UBE4B: variants seen among roughly 807,000 people sequenced by gnomAD.
UBE4B encodes ubiquitin conjugation factor E4 B.
A neutral mutation model predicts 148.1 loss-of-function variants in UBE4B; 27 were observed. That is an observed-to-expected ratio of 0.18 (90% confidence interval 0.13 to 0.25). The LOEUF is 0.25. Ranked by LOEUF, UBE4B falls within the 10% of genes least tolerant of loss-of-function variation. The pLI, the probability that UBE4B is intolerant of heterozygous loss-of-function variation, is 1.00. For missense variants in UBE4B, 1,170 were observed against 1,662.4 expected, an observed-to-expected ratio of 0.70 and a Z score of 5.15; for synonymous variants, 596 against 619.3, an observed-to-expected ratio of 0.96 and a Z score of 0.56.
At chr1:10,048,974 C>G (rs899211098) in intron 1 of UBE4B, among the ~76,000 whole-genome samples, 1 of 152,114 alleles carries the variant, frequency 6.6e-6, no homozygotes. Flanking sequence ...TCTCTCTTTC[C>G]CCAAGGGAGG....
At chr1:10,125,786 G>T (rs1256558307) in intron 10 of UBE4B, among the ~76,000 whole-genome samples, 1 of 152,194 alleles carries the variant, frequency 6.6e-6, no homozygotes, top group African/African-American at 2.4e-5. Flanking sequence ...AATCATAAAT[G>T]TATAAAAGCA....
intron 2 of UBE4B, among the ~76,000 whole-genome samples, chr1:10,073,662 A>G (rs896679059): frequency 6.6e-6 from 1 of 152,054 alleles, no homozygotes; most frequent in Non-Finnish European, 1.5e-5. Flanking sequence ...GGAGGTTGCA[A>G]TGAGCCAAGA....
chr1:10,175,514 G>A (rs951724690), intron 25 of UBE4B, among the ~76,000 whole-genome samples: 19 of 151,752 alleles, frequency 1.3e-4, no homozygotes, highest in African/African-American at 2.4e-4. Context: ...AGCCAGGCGT[G>A]GTGGCGGGCG....
intron 25 of UBE4B, among the ~76,000 whole-genome samples, chr1:10,172,417 CAG>C (rs1214183533): frequency 2.6e-5 from 4 of 152,310 alleles, no homozygotes; most frequent in Middle Eastern, 3.4e-3. Flanking sequence ...GAAAGAGGCA[CAG>C]AGAGGTTAAA....
chr1:10,137,338 C>A, intron 17 of UBE4B, 133 bp downstream of exon 17: 2 of 1,127,962 alleles, frequency 1.8e-6, no homozygotes, highest in Non-Finnish European at 2.5e-6. Context: ...TGTCTGCCTC[C>A]ACCGCCACAT....
chr1:10,177,695 A>C (rs1023968715), intron 25 of UBE4B, among the ~76,000 whole-genome samples: 5 of 151,832 alleles, frequency 3.3e-5, no homozygotes, highest in African/African-American at 4.8e-5. Context: ...ATATATGGCA[A>C]AAACACTGGC....
intron 9 of UBE4B, among the ~76,000 whole-genome samples, chr1:10,121,280 G>A (rs1390578218): frequency 1.3e-5 from 2 of 151,984 alleles, no homozygotes; most frequent in Admixed American, 6.6e-5. Flanking sequence ...ACTTGAACCC[G>A]GGAGGCGGAG....
chr1:10,153,216 T>G (rs1276440442), intron 21 of UBE4B, among the ~76,000 whole-genome samples: 1 of 151,330 alleles, frequency 6.6e-6, no homozygotes, highest in Non-Finnish European at 1.5e-5. Context: ...CTACAAAGAG[T>G]GCATGTGGGC....
chr1:10,076,638 C>G (rs1438572374), intron 2 of UBE4B, among the ~76,000 whole-genome samples: 2 of 151,778 alleles, frequency 1.3e-5, no homozygotes, highest in Admixed American at 6.6e-5. Context: ...TTTGGTGGCC[C>G]TCTTAGTTGG....
In UBE4B at chr1:10,106,503, C is replaced by G; in HGVS notation, c.1116C>G (p.Pro372=). 1 of 1,612,958 alleles carries G rather than the reference C, an allele frequency of 6.2e-7. No individual in the cohort carries two copies. The change falls in exon 7 of 28, where the codon CCC becomes CCG. Residue 372 remains proline (P), a synonymous_variant. Coordinates refer to ENST00000343090, the MANE Select transcript of UBE4B (RefSeq NM_001105562.3). The surrounding 1 kb of genome is among the most constrained non-coding windows in gnomAD (Gnocchi z 4.2). ...CCGCCAGCAGTTCCAGACAGAGGCCCAGCAGCACGGGTCCACCCCTACCAC... is the reference window on the plus strand; with the variant it reads ...CCGCCAGCAGTTCCAGACAGAGGCCGAGCAGCACGGGTCCACCCCTACCAC... ...AVPASSSRQR[P]SSTGPPLPPA...
chr1:10,130,978 A>C (rs1489823928), intron 14 of UBE4B, among the ~76,000 whole-genome samples, 165 bp downstream of exon 14: 10 of 152,246 alleles, frequency 6.6e-5, no homozygotes, highest in Non-Finnish European at 1.5e-4. Context: ...TGTGTCTTGA[A>C]TAACAGGTTG....
intron 1 of UBE4B, among the ~76,000 whole-genome samples, chr1:10,068,277 A>G (rs1453463717): frequency 1.3e-5 from 2 of 151,196 alleles, no homozygotes; most frequent in African/African-American, 4.9e-5. Flanking sequence ...GATCCCACCT[A>G]CCTTGGCCTC....
chr1:10,091,745 ACAGGCTCCCGCCTCTGCGC>A (rs1269377605), intron 2 of UBE4B, among the ~76,000 whole-genome samples: 1 of 152,116 alleles, frequency 6.6e-6, no homozygotes, highest in Non-Finnish European at 1.5e-5. Context: ...AGCTGGGATT[ACAGGCTCCCGCCTCTGCGC>A]CAGGCTAATT....
intron 2 of UBE4B, among the ~76,000 whole-genome samples, chr1:10,074,572 C>T (rs2101836523): frequency 6.6e-6 from 1 of 152,298 alleles, no homozygotes; most frequent in South Asian, 2.1e-4. Flanking sequence ...CGTGGTTGCT[C>T]TGTGGTTGCT....
chr1:10,153,873 G>A (rs1646021816), intron 21 of UBE4B, among the ~76,000 whole-genome samples: 2 of 151,878 alleles, frequency 1.3e-5, no homozygotes, highest in South Asian at 2.1e-4. Flanking sequence ...ACCTGAGGTC[G>A]GGAGTTCAAA....
At chr1:10,135,281 T>G (rs1482447263) in intron 16 of UBE4B, 95 bp downstream of exon 16, 1 of 1,244,546 alleles carries the variant, frequency 8.0e-7, no homozygotes, top group Admixed American at 2.1e-5. Context: ...CACCATAAAA[T>G]GAACTTAAGA....
At chr1:10,127,855 T>C (rs1251479732) in intron 11 of UBE4B, among the ~76,000 whole-genome samples, 1 of 152,208 alleles carries the variant, frequency 6.6e-6, no homozygotes, top group Non-Finnish European at 1.5e-5. Context: ...CTGTGATAAA[T>C]GTTAAAACAG....
At chr1:10,137,261 G>A (rs1026118734) in intron 17 of UBE4B, 56 bp downstream of exon 17, 4 of 1,605,884 alleles carry the variant, frequency 2.5e-6, no homozygotes, top group East Asian at 2.2e-5. Context: ...TTTTCTCAGG[G>A]GCAGGCAATT....
At chr1:10,104,936 C>G (rs555836385) in intron 5 of UBE4B, among the ~76,000 whole-genome samples, 48 of 152,316 alleles carry the variant, frequency 3.2e-4, no homozygotes, top group Non-Finnish European at 5.4e-4. Flanking sequence ...TAAAGACCAA[C>G]AGTAAATCAA....
Sources: allele counts gnomAD v4.1 joint callset (sites outside exome capture counted in the v4.1 genomes callset), GRCh38; gene constraint gnomAD v4.1.1; non-coding constraint Gnocchi (gnomAD v3.1); transcripts MANE v1.5; gene names NCBI Gene and HGNC (gene_info 2026-07-23, HGNC 2026-07-21).